The following EBF1 variants were observed in gnomAD, a reference collection of about 807,000 sequenced individuals.
EBF1 encodes transcription factor COE1.
EBF1 carries 10 observed loss-of-function variants against 68.4 expected under a neutral mutation model. The ratio of observed to expected loss-of-function variants is 0.15; its 90% CI spans 0.09 to 0.25. The LOEUF (loss-of-function observed/expected upper bound fraction) is 0.25, where lower values mean the gene tolerates loss of function less well. Ranked by LOEUF, EBF1 falls within the 10% of genes least tolerant of loss-of-function variation. The pLI, the probability that EBF1 is intolerant of heterozygous loss-of-function variation, is 1.00. For synonymous variants in EBF1, 298 were observed against 299.8 expected, an observed-to-expected ratio of 0.99 and a Z score of 0.06; for missense variants, 509 against 794.4, an observed-to-expected ratio of 0.64 and a Z score of 4.32.
intron 6 of EBF1, among the ~76,000 whole-genome samples, chr5:158,919,928 A>G (rs1193400639): frequency 6.6e-6 from 1 of 152,218 alleles, no homozygotes; most frequent in Non-Finnish European, 1.5e-5. Flanking sequence ...TGCTATATGC[A>G]TTGCCCATAG....
At chr5:158,869,047 A>G (rs1796413946) in intron 6 of EBF1, among the ~76,000 whole-genome samples, 2 of 152,136 alleles carry the variant, frequency 1.3e-5, no homozygotes, top group South Asian at 4.2e-4. Flanking sequence ...TTCTCCGTCC[A>G]GGACTGGTGT....
At chr5:159,001,190 T>C (rs891083660) in intron 6 of EBF1, among the ~76,000 whole-genome samples, 2 of 152,320 alleles carry the variant, frequency 1.3e-5, no homozygotes, top group African/African-American at 4.8e-5. Context: ...CATGGAGTTA[T>C]TTTATCATTA....
intron 7 of EBF1, among the ~76,000 whole-genome samples, chr5:158,839,569 G>T (rs1175315157): frequency 1.3e-5 from 2 of 152,040 alleles, no homozygotes; most frequent in Non-Finnish European, 1.5e-5. Flanking sequence ...TTTCTGTAGG[G>T]TTGAAGTTTT....
chr5:159,005,136 C>T (rs1763302857), intron 6 of EBF1, among the ~76,000 whole-genome samples: 3 of 152,156 alleles, frequency 2.0e-5, no homozygotes, highest in Admixed American at 6.5e-5. Context: ...TCCAGAACAT[C>T]CCACAAGGGA....
intron 15 of EBF1, 97 bp downstream of exon 15, chr5:158,707,882 C>T: frequency 1.4e-6 from 2 of 1,387,544 alleles, no homozygotes; most frequent in Non-Finnish European, 9.8e-7. Context: ...GGGCCCAAGG[C>T]TGATACCCTC....
At chr5:158,811,075 T>C (rs1782562149) in intron 8 of EBF1, among the ~76,000 whole-genome samples, 1 of 152,220 alleles carries the variant, frequency 6.6e-6, no homozygotes, top group Non-Finnish European at 1.5e-5. Flanking sequence ...ATAACAATGA[T>C]GACCACCTAA....
chr5:158,928,560 A>T (rs746136005), intron 6 of EBF1, among the ~76,000 whole-genome samples: 1 of 152,236 alleles, frequency 6.6e-6, no homozygotes, highest in Non-Finnish European at 1.5e-5. Context: ...ACATCCATAC[A>T]TTCTAAAGAG....
intron 6 of EBF1, among the ~76,000 whole-genome samples, chr5:158,869,922 G>C (rs961359342): frequency 3.9e-5 from 6 of 152,142 alleles, no homozygotes; most frequent in Non-Finnish European, 5.9e-5. Context: ...TGGGGACCAG[G>C]TAGGGAGGCT....
chr5:159,025,362 A>G (rs958199847), intron 6 of EBF1, among the ~76,000 whole-genome samples: 3 of 152,226 alleles, frequency 2.0e-5, no homozygotes, highest in African/African-American at 4.8e-5. Flanking sequence ...GATGTGTCCA[A>G]GTAAGCATGT....
At chr5:158,944,313 G>A (rs957230977) in intron 6 of EBF1, among the ~76,000 whole-genome samples, 2 of 152,046 alleles carry the variant, frequency 1.3e-5, no homozygotes, top group Non-Finnish European at 2.9e-5. Flanking sequence ...GTGAGAACAT[G>A]CAGTGTTTGC....
At chr5:158,886,833 C>G (rs1318420138) in intron 6 of EBF1, among the ~76,000 whole-genome samples, 1 of 152,162 alleles carries the variant, frequency 6.6e-6, no homozygotes, top group African/African-American at 2.4e-5. Context: ...CCAACACGGT[C>G]TCTACTACAA....
intron 6 of EBF1, among the ~76,000 whole-genome samples, chr5:158,936,288 GC>G (rs1257206688): frequency 6.6e-6 from 1 of 152,164 alleles, no homozygotes; most frequent in African/African-American, 2.4e-5. Flanking sequence ...CATATATATA[GC>G]AGAGAGCACA....
At chr5:158,991,044 C>T (rs1286517698) in intron 6 of EBF1, among the ~76,000 whole-genome samples, 10 of 152,264 alleles carry the variant, frequency 6.6e-5, no homozygotes, top group African/African-American at 1.2e-4. Context: ...TAACAGACAT[C>T]GTAGGGAAGG....
intron 12 of EBF1, among the ~76,000 whole-genome samples, chr5:158,713,649 G>A (rs1008588771): frequency 1.8e-4 from 27 of 152,162 alleles, no homozygotes; most frequent in African/African-American, 6.3e-4. Context: ...ATTGACTCAG[G>A]CTACATGAAA....
At chr5:158,983,941 T>TGTGTGTGTGTG (rs1404010570) in intron 6 of EBF1, among the ~76,000 whole-genome samples, 1 of 146,870 alleles carries the variant, frequency 6.8e-6, no homozygotes. Context: ...TGTGTGTGTG[T>TGTGTGTGTGTG]AACCAAATAA....
intron 6 of EBF1, among the ~76,000 whole-genome samples, chr5:158,856,138 G>A (rs1260590685): frequency 6.6e-6 from 1 of 152,188 alleles, no homozygotes; most frequent in Admixed American, 6.5e-5. Flanking sequence ...TGTCTCTGGG[G>A]TTCTTCTGCT....
At chr5:158,812,681 T>A (rs1035451907) in intron 8 of EBF1, among the ~76,000 whole-genome samples, 1 of 152,084 alleles carries the variant, frequency 6.6e-6, no homozygotes, top group Admixed American at 6.5e-5. Context: ...TCAAATTCTA[T>A]CTCAGAAATT....
chr5:158,945,150 C>T (rs1417647490), intron 6 of EBF1, among the ~76,000 whole-genome samples: 1 of 152,098 alleles, frequency 6.6e-6, no homozygotes, highest in African/African-American at 2.4e-5. Flanking sequence ...TTTGCCCATG[C>T]CTATGTCCTA....
chr5:159,014,009 A>C (rs370707724), intron 6 of EBF1, among the ~76,000 whole-genome samples: 30 of 152,218 alleles, frequency 2.0e-4, no homozygotes, highest in African/African-American at 7.0e-4. Context: ...GTTCCAAATT[A>C]TTTTAAATTA....
Sources: allele counts gnomAD v4.1 joint callset (sites outside exome capture counted in the v4.1 genomes callset), GRCh38; gene constraint gnomAD v4.1.1; transcripts MANE v1.5; gene names NCBI Gene and HGNC (gene_info 2026-07-23, HGNC 2026-07-21).